Variants in GRM7 observed in about 807,000 individuals in gnomAD.
GRM7 encodes the protein glutamate metabotropic receptor 7.
GRM7 carries 35 observed loss-of-function variants against 84.5 expected under a neutral mutation model. The ratio of observed to expected loss-of-function variants is 0.41; its 90% CI spans 0.32 to 0.55. The LOEUF (loss-of-function observed/expected upper bound fraction) is 0.55. GRM7 is among the 20% of genes least tolerant of loss of function. The probability of loss-of-function intolerance (pLI) is 0.19; values close to 1 mark genes in which losing one functional copy is unlikely to be tolerated. For missense variants in GRM7, 1,003 were observed against 1,194.6 expected (o/e 0.84, Z 2.36); for synonymous variants, 487 against 455.1 (o/e 1.07, Z -0.89).
intron 1 of GRM7, among the ~76,000 whole-genome samples, chr3:6,958,828 A>C (rs941682317): frequency 1.3e-5 from 2 of 152,210 alleles, no homozygotes; most frequent in African/African-American, 4.8e-5. Flanking sequence ...TCCAGGTACC[A>C]AGTTTCTCAT....
chr3:6,982,280 C>T (rs1265289628), intron 1 of GRM7, among the ~76,000 whole-genome samples: 1 of 152,078 alleles, frequency 6.6e-6, no homozygotes, highest in Admixed American at 6.6e-5. Context: ...CAACAGTAGA[C>T]ACTGAGGACT....
At chr3:6,891,560 C>A (rs1394071018) in intron 1 of GRM7, among the ~76,000 whole-genome samples, 1 of 152,066 alleles carries the variant, frequency 6.6e-6, no homozygotes, top group Non-Finnish European at 1.5e-5. Flanking sequence ...GAATATTGGC[C>A]CCCACTCTCT....
chr3:7,307,015 A>T (rs1327636273), intron 4 of GRM7, among the ~76,000 whole-genome samples: 2 of 152,094 alleles, frequency 1.3e-5, no homozygotes, highest in African/African-American at 2.4e-5. Flanking sequence ...TTTGTAACGC[A>T]TCCATTATTT....
intron 4 of GRM7, among the ~76,000 whole-genome samples, chr3:7,399,164 A>C (rs1695340594): frequency 7.9e-6 from 1 of 126,140 alleles, no homozygotes; most frequent in Non-Finnish European, 1.7e-5. Flanking sequence ...CTTCCTATTT[A>C]AAAAACAACA....
intron 1 of GRM7, among the ~76,000 whole-genome samples, chr3:7,028,364 A>T (rs901264153): frequency 1.3e-5 from 2 of 152,206 alleles, no homozygotes; most frequent in Non-Finnish European, 2.9e-5. Flanking sequence ...TTATAGATGT[A>T]TAGTACAGAT....
chr3:7,235,494 A>G (rs1202446072), intron 2 of GRM7, among the ~76,000 whole-genome samples: 1 of 152,104 alleles, frequency 6.6e-6, no homozygotes. Flanking sequence ...CCACGTATTG[A>G]TTGGGCCTTG....
chr3:7,600,240 G>A (rs1038970637), intron 8 of GRM7, among the ~76,000 whole-genome samples: 2 of 152,052 alleles, frequency 1.3e-5, no homozygotes, highest in Admixed American at 1.3e-4. Context: ...CAGGGGTATA[G>A]TGTTTGTTAG....
chr3:7,586,618 G>A (rs892601559), intron 8 of GRM7, among the ~76,000 whole-genome samples: 9 of 152,166 alleles, frequency 5.9e-5, no homozygotes, highest in African/African-American at 1.2e-4. Context: ...GACCAGCTTG[G>A]CCAACATGGT....
rs542654674 is a variant in GRM7, at chr3:7,734,912, G to C, written c.2699-5445G>C. On this transcript the variant is annotated intron_variant, in intron 9 of 9. Coordinates refer to ENST00000357716, the MANE Select transcript of GRM7 (RefSeq NM_000844.4). ...TTTGTAAGATACAGGAAGTTTAGTA[G>C]CTTTCTTGAAGTCTCAAATGAGAAT... Among the ~76,000 whole-genome samples the C allele has an allele frequency of 4.5e-4, 68 of 152,284 alleles. 1 individual carries two copies. In the South Asian group the frequency reaches 0.014, roughly 31 times the overall value.
chr3:7,474,050 C>T (rs542308820), intron 7 of GRM7, among the ~76,000 whole-genome samples: 105 of 152,278 alleles, frequency 6.9e-4, no homozygotes, highest in African/African-American at 2.5e-3. Context: ...TCAGCTTCTA[C>T]AGAGTTCTCT....
intron 1 of GRM7, among the ~76,000 whole-genome samples, chr3:7,008,861 T>G (rs925158946): frequency 2.0e-5 from 3 of 152,178 alleles, no homozygotes; most frequent in African/African-American, 7.2e-5. Context: ...CTGTTCGTAC[T>G]GCACATTAAT....
intron 1 of GRM7, among the ~76,000 whole-genome samples, chr3:7,022,789 G>A (rs1325860837): frequency 1.3e-5 from 2 of 152,142 alleles, no homozygotes; most frequent in African/African-American, 4.8e-5. Context: ...TTGCAGGGGT[G>A]AAGGAAAACT....
At chr3:6,872,920 C>T (rs1695174632) in intron 1 of GRM7, among the ~76,000 whole-genome samples, 1 of 152,160 alleles carries the variant, frequency 6.6e-6, no homozygotes, top group Non-Finnish European at 1.5e-5. Context: ...CTGCAATAAA[C>T]ATATGTGTGC....
At chr3:6,877,617 A>G (rs375178530) in intron 1 of GRM7, among the ~76,000 whole-genome samples, 8 of 152,206 alleles carry the variant, frequency 5.3e-5, no homozygotes, top group East Asian at 3.9e-4. Context: ...TGGTTTTTCA[A>G]ATTCGCTCTT....
intron 1 of GRM7, among the ~76,000 whole-genome samples, chr3:6,994,196 AG>A (rs1694749194): frequency 6.6e-6 from 1 of 152,222 alleles, no homozygotes; most frequent in African/African-American, 2.4e-5. Context: ...ATTTCTAAAA[AG>A]AATCAGGACA....
intron 1 of GRM7, among the ~76,000 whole-genome samples, chr3:7,000,546 T>A (rs1694978569): frequency 1.3e-5 from 2 of 152,236 alleles, no homozygotes; most frequent in South Asian, 4.1e-4. Flanking sequence ...AGGAAAAACA[T>A]GCACTACAAG....
At chr3:7,292,840 T>C (rs1204726751) in intron 2 of GRM7, among the ~76,000 whole-genome samples, 2 of 151,864 alleles carry the variant, frequency 1.3e-5, no homozygotes, top group Admixed American at 1.3e-4. Flanking sequence ...TAGACCAGCC[T>C]GGCCAACATA....
At chr3:7,021,709 T>A (rs1201544360) in intron 1 of GRM7, among the ~76,000 whole-genome samples, 1 of 152,228 alleles carries the variant, frequency 6.6e-6, no homozygotes, top group Non-Finnish European at 1.5e-5. Context: ...GCAATTACCA[T>A]TTATTGATGA....
At chr3:7,320,681 AGTGTGTGTGTGTGTGTGT>A (rs56313913) in intron 4 of GRM7, among the ~76,000 whole-genome samples, 3 of 141,252 alleles carry the variant, frequency 2.1e-5, no homozygotes, top group South Asian at 4.8e-4. Flanking sequence ...GTGGGTGATC[AGTGTGTGTGTGTGTGTGT>A]GTGTGTGTGT....
Sources: gnomAD v4.1 joint callset for allele counts (sites outside exome capture counted in the v4.1 genomes callset) on GRCh38, gnomAD v4.1.1 for gene constraint, MANE v1.5 for transcripts, NCBI Gene and HGNC (gene_info 2026-07-23, HGNC 2026-07-21) for gene names.